RCAN2: variants seen among roughly 807,000 people sequenced by gnomAD.
The protein encoded by RCAN2 is calcipressin-2.
Under a neutral mutation model 23.6 loss-of-function variants are expected in RCAN2, and 9 were observed. The observed-to-expected ratio is 0.38, with a 90% CI of 0.23 to 0.67. RCAN2 has a LOEUF of 0.67. Ranked by LOEUF, RCAN2 falls within the 30% of genes least tolerant of loss-of-function variation. RCAN2 has a pLI of 0.51. For missense variants in RCAN2, 273 were observed against 302.3 expected (o/e 0.90, Z 0.72); for synonymous variants, 109 against 115.7 (o/e 0.94, Z 0.37).
intron 2 of RCAN2, 89 bp from the exon 3 acceptor site, chr6:46,248,985 A>C: frequency 1.1e-6 from 1 of 884,036 alleles, no homozygotes; most frequent in Non-Finnish European, 1.7e-6. Context: ...CAACTAAATA[A>C]ATAGGCTGTT....
intron 2 of RCAN2, among the ~76,000 whole-genome samples, chr6:46,449,056 C>T (rs773621923): frequency 1.3e-5 from 2 of 151,742 alleles, no homozygotes; most frequent in Admixed American, 6.6e-5. Context: ...CTGCAGATTA[C>T]GTGATCTTAT....
chr6:46,275,977 G>C (rs559279391), intron 2 of RCAN2, among the ~76,000 whole-genome samples: 239 of 152,272 alleles, frequency 1.6e-3, no homozygotes, highest in African/African-American at 5.4e-3. Flanking sequence ...GGAGGCCAAG[G>C]GGGGTGGATC....
chr6:46,424,266 C>A (rs1266409354), intron 2 of RCAN2, among the ~76,000 whole-genome samples: 2 of 152,220 alleles, frequency 1.3e-5, no homozygotes, highest in African/African-American at 2.4e-5. Context: ...ATATTATCAT[C>A]ACATTCATGT....
At chr6:46,384,752 T>G (rs1765698085) in intron 2 of RCAN2, among the ~76,000 whole-genome samples, 1 of 152,204 alleles carries the variant, frequency 6.6e-6, no homozygotes, top group African/African-American at 2.4e-5. Flanking sequence ...GTCAAAACCA[T>G]GCTTGCATCC....
Position 46,383,263 on chromosome 6 carries a change from T to C in RCAN2, c.225+73489A>G, listed in dbSNP as rs1003609368. On this transcript the variant is annotated intron_variant, in intron 2 of 4. Transcript: ENST00000371374. ...GAAGGCTTAGTGGAGGAGGAGGCATTTGAAGTACGCCTTGAAGAATGAATA... is the reference window on the plus strand; with the variant it reads ...GAAGGCTTAGTGGAGGAGGAGGCATCTGAAGTACGCCTTGAAGAATGAATA... 3.3e-5 allele frequency among the ~76,000 whole-genome samples: 5 copies of C among 150,554 alleles called. No homozygotes were observed. In the East Asian group the frequency reaches 7.8e-4, roughly 24 times the overall value.
intron 2 of RCAN2, among the ~76,000 whole-genome samples, chr6:46,268,289 T>C (rs553346482): frequency 6.6e-6 from 1 of 152,324 alleles, no homozygotes; most frequent in South Asian, 2.1e-4. Flanking sequence ...ATTATCTCAT[T>C]GGTAACTCCA....
At chr6:46,227,943 T>G (rs1765733564) in intron 4 of RCAN2, among the ~76,000 whole-genome samples, 1 of 152,242 alleles carries the variant, frequency 6.6e-6, no homozygotes, top group Admixed American at 6.5e-5. Context: ...CACACTGCTT[T>G]AAATGTGTCC....
At chr6:46,421,989 G>T (rs1047645462) in intron 2 of RCAN2, among the ~76,000 whole-genome samples, 1 of 152,164 alleles carries the variant, frequency 6.6e-6, no homozygotes, top group Non-Finnish European at 1.5e-5. Flanking sequence ...AGTGAGCTAC[G>T]TATAGGACCA....
At chr6:46,338,732 G>T (rs1265984537) in intron 2 of RCAN2, among the ~76,000 whole-genome samples, 1 of 152,036 alleles carries the variant, frequency 6.6e-6, no homozygotes, top group East Asian at 1.9e-4. Context: ...TTGCTGTTAG[G>T]CCAGACATGG....
chr6:46,256,367 C>G (rs1338636679), intron 2 of RCAN2, among the ~76,000 whole-genome samples: 1 of 82,762 alleles, frequency 1.2e-5, no homozygotes, highest in Admixed American at 1.1e-4. Flanking sequence ...GAGATTCTGT[C>G]TCAAAAAAGA....
chr6:46,221,564 T>G lies in RCAN2; in HGVS notation c.*1577A>C, dbSNP rs1765476252. ...GCAATGCTCTCCTCAGTTTCACCAGTACTGTGTCCAGTACTATATTGCTAT... is the reference window on the plus strand; with the variant it reads ...GCAATGCTCTCCTCAGTTTCACCAGGACTGTGTCCAGTACTATATTGCTAT... On this transcript the variant is annotated 3_prime_UTR_variant, in exon 5 of 5. Transcript: ENST00000371374. The G allele has an allele frequency of 1.1e-5, 2 of 185,476 alleles. No individual in the cohort carries two copies. Among genetic ancestry groups the G allele is most frequent in the Admixed American group, 6.1e-5 (1 of 16,284 alleles). 11.5% of individuals were successfully genotyped at this position (185,476 alleles called of 1,614,324 possible).
intron 2 of RCAN2, among the ~76,000 whole-genome samples, chr6:46,369,599 C>T (rs1765272761): frequency 1.3e-5 from 2 of 152,104 alleles, no homozygotes; most frequent in Admixed American, 1.3e-4. Context: ...CCATCAATGA[C>T]TAAAATGTCA....
Position 46,248,571 on chromosome 6 carries a change from C to A in RCAN2, c.399+152G>T. ...TGTTTTCTAAGCCACTAAGCTGTTT[C>A]TGTCTGGAAATCATGATGTGGGTCT... On this transcript the variant is annotated intron_variant, in intron 3 of 4. Coordinates refer to ENST00000371374, the MANE Select transcript of RCAN2 (RefSeq NM_001251974.2). 3 of 644,114 alleles carry A rather than the reference C, an allele frequency of 4.7e-6. No individual in the cohort carries two copies. The South Asian group carries it at 7.4e-5, about 16-fold the overall frequency. 39.9% of individuals were successfully genotyped at this position (644,114 alleles called of 1,614,324 possible).
chr6:46,285,139 C>T (rs1250592985), intron 2 of RCAN2, among the ~76,000 whole-genome samples: 4 of 152,186 alleles, frequency 2.6e-5, no homozygotes, highest in Admixed American at 1.3e-4. Context: ...CACACACATA[C>T]CCTAAAACCT....
rs995735179 is a variant in RCAN2, at chr6:46,381,435, T to G, written c.225+75317A>C. ...TCAGATTCTATAAACTGAGGACACA[T>G]GTGACAATATACAAATCTACTGAGA... is the stretch of plus-strand genomic sequence containing the variant. On this transcript the variant is annotated intron_variant, in intron 2 of 4. Transcript: ENST00000371374. 3.3e-5 allele frequency among the ~76,000 whole-genome samples: 5 copies of G among 152,166 alleles called. No homozygotes were observed. The East Asian group carries it at 9.6e-4, about 29-fold the overall frequency.
At chr6:46,440,676 T>A (rs551571627) in intron 2 of RCAN2, among the ~76,000 whole-genome samples, 1 of 152,196 alleles carries the variant, frequency 6.6e-6, no homozygotes, top group Admixed American at 6.5e-5. Flanking sequence ...AGATAGTTGC[T>A]ATGACTGAAT....
chr6:46,368,116 T>C (rs559746555), intron 2 of RCAN2, among the ~76,000 whole-genome samples: 2 of 152,328 alleles, frequency 1.3e-5, no homozygotes, highest in Admixed American at 1.3e-4. Flanking sequence ...CAACTTTGCC[T>C]TTATAGGGTG....
chr6:46,396,446 C>T (rs965636284), intron 2 of RCAN2, among the ~76,000 whole-genome samples: 1 of 152,166 alleles, frequency 6.6e-6, no homozygotes, highest in African/African-American at 2.4e-5. Flanking sequence ...TGATATGTCT[C>T]ATTTATTCAA....
Position 46,373,515 on chromosome 6 carries a change from C to T in RCAN2, c.225+83237G>A, listed in dbSNP as rs564403149. ...CAAGTGATCTGCCCACCTAGGCCTC[C>T]TAAAGTGTTGGGATTACAGGTGTGA... On this transcript the variant is annotated intron_variant, in intron 2 of 4. Coordinates refer to ENST00000371374, the MANE Select transcript of RCAN2 (RefSeq NM_001251974.2). 1.1e-4 allele frequency among the ~76,000 whole-genome samples: 17 copies of T among 152,282 alleles called. 1 individual carries two copies. In the South Asian group the frequency reaches 3.5e-3, roughly 32 times the overall value.
Sources: allele counts gnomAD v4.1 joint callset (sites outside exome capture counted in the v4.1 genomes callset), GRCh38; gene constraint gnomAD v4.1.1; transcripts MANE v1.5; gene names NCBI Gene and HGNC (gene_info 2026-07-23, HGNC 2026-07-21).